SHISA9: variants seen among roughly 807,000 people sequenced by gnomAD.
SHISA9 encodes the protein shisa family member 9.
SHISA9 carries 13 observed loss-of-function variants against 38.0 expected under a neutral mutation model. That is an observed-to-expected ratio of 0.34 (90% CI 0.22 to 0.54). The LOEUF is 0.54. SHISA9 is among the 20% of genes least tolerant of loss of function. SHISA9 has a pLI of 0.91. For synonymous variants in SHISA9, 275 were observed against 242.0 expected, an observed-to-expected ratio of 1.14 and a Z score of -1.27; for missense variants, 538 against 575.8, an observed-to-expected ratio of 0.93 and a Z score of 0.67.
At chr16:13,528,283 TAA>T in the SHISA9 span, among the ~76,000 whole-genome samples, 1 of 151,998 alleles carries the variant, frequency 6.6e-6, no homozygotes, top group Non-Finnish European at 1.5e-5. Context: ...TCATATAACC[TAA>T]AGAGTCCATT....
chr16:12,934,871 A>T (rs2071508411), intron 2 of SHISA9, among the ~76,000 whole-genome samples: 1 of 152,186 alleles, frequency 6.6e-6, no homozygotes, highest in African/African-American at 2.4e-5. Flanking sequence ...AGACTTAAGC[A>T]AAAAAGGGAA....
At chr16:13,429,637 T>C in the SHISA9 span, among the ~76,000 whole-genome samples, 2 of 152,236 alleles carry the variant, frequency 1.3e-5, no homozygotes, top group African/African-American at 4.8e-5. Context: ...CACACTGTGA[T>C]GACCTGGAGT....
intron 2 of SHISA9, among the ~76,000 whole-genome samples, chr16:13,079,301 A>G (rs914885666): frequency 5.3e-5 from 8 of 152,226 alleles, no homozygotes; most frequent in African/African-American, 1.9e-4. Context: ...AACATGGATG[A>G]TGACAGAATC....
rs12596451 is a variant in SHISA9 at position 12,925,135 on chromosome 16, C to T, written c.691+8320C>T. Reference sequence around the variant, plus strand: ...TCACAGTGAAAATGTTTTCACTCTGCGTGCCAGTTGATAACACCGTGTGTG... The same window carrying T: ...TCACAGTGAAAATGTTTTCACTCTGTGTGCCAGTTGATAACACCGTGTGTG... On this transcript the variant is annotated intron_variant, in intron 2 of 4. Coordinates refer to ENST00000558583, the MANE Select transcript of SHISA9 (RefSeq NM_001145204.3). 0.025 allele frequency among the ~76,000 whole-genome samples: 3,805 copies of T among 152,220 alleles called. 280 individuals carry two copies. In the East Asian group the frequency reaches 0.3, roughly 12 times the overall value.
At position 13,088,640 on chromosome 16, in the gene SHISA9, T is replaced by C. The variant is rs534398775; in HGVS notation, c.692-114754T>C. Among the ~76,000 whole-genome samples the C allele has an allele frequency of 4.6e-5, 7 of 152,346 alleles. No individual in the cohort carries two copies. In the South Asian group the frequency reaches 1.4e-3, roughly 32 times the overall value. On this transcript the variant is annotated intron_variant, in intron 2 of 4. Coordinates refer to ENST00000558583, the MANE Select transcript of SHISA9 (RefSeq NM_001145204.3). ...TGTTAATGGTGTATAGGAATGCTTG[T>C]GATTTTTGCACATTGATTTTGTATC...
chr16:13,376,479 A>G, the SHISA9 span, among the ~76,000 whole-genome samples: 2 of 152,186 alleles, frequency 1.3e-5, no homozygotes, highest in East Asian at 3.9e-4. Context: ...TCTCTAATGT[A>G]TCTGAAGTCA....
chr16:13,412,768 G>A, the SHISA9 span, among the ~76,000 whole-genome samples: 5 of 151,520 alleles, frequency 3.3e-5, no homozygotes, highest in Non-Finnish European at 7.4e-5. Flanking sequence ...GAGGTAGGAG[G>A]ATCACTTTAG....
At chr16:13,068,255 A>T (rs1270572414) in intron 2 of SHISA9, among the ~76,000 whole-genome samples, 1 of 152,082 alleles carries the variant, frequency 6.6e-6, no homozygotes, top group East Asian at 1.9e-4. Context: ...AGGACTCTTT[A>T]CCTGCCCAGG....
chr16:13,198,861 C>T (rs1226851232), intron 2 of SHISA9, among the ~76,000 whole-genome samples: 4 of 152,214 alleles, frequency 2.6e-5, no homozygotes, highest in Non-Finnish European at 5.9e-5. Flanking sequence ...AATGCACCTT[C>T]TGGATGGTGT....
the SHISA9 span, among the ~76,000 whole-genome samples, chr16:13,443,500 C>T: frequency 3.9e-5 from 6 of 152,130 alleles, no homozygotes; most frequent in African/African-American, 7.2e-5. Context: ...AGTAATGCAC[C>T]GTGCAAGCCC....
chr16:13,282,590 A>G, the SHISA9 span, among the ~76,000 whole-genome samples: 1 of 152,018 alleles, frequency 6.6e-6, no homozygotes, highest in Non-Finnish European at 1.5e-5. Context: ...CTGCTTCAGT[A>G]TTACTCTTTT....
the SHISA9 span, among the ~76,000 whole-genome samples, chr16:13,528,391 G>T: frequency 6.6e-6 from 1 of 151,132 alleles, no homozygotes; most frequent in Non-Finnish European, 1.5e-5. Flanking sequence ...GTGCAAAGAA[G>T]AGGTCACAGA....
intron 2 of SHISA9, among the ~76,000 whole-genome samples, chr16:12,968,882 G>A (rs1263263051): frequency 1.3e-5 from 2 of 152,104 alleles, no homozygotes; most frequent in Non-Finnish European, 2.9e-5. Context: ...AATGGGAGGT[G>A]CAGGCTGGGC....
At chr16:13,550,834 T>C in the SHISA9 span, among the ~76,000 whole-genome samples, 1 of 152,182 alleles carries the variant, frequency 6.6e-6, no homozygotes, top group Admixed American at 6.5e-5. Flanking sequence ...CAAGAAGTGA[T>C]GGGCACAGGC....
At chr16:12,962,849 G>C (rs183951062) in intron 2 of SHISA9, among the ~76,000 whole-genome samples, 3 of 152,198 alleles carry the variant, frequency 2.0e-5, no homozygotes, top group South Asian at 2.1e-4. Context: ...GGTGTATCTT[G>C]TTGGGCCTGA....
chr16:12,979,063 C>A (rs1020076611), intron 2 of SHISA9, among the ~76,000 whole-genome samples: 4 of 152,214 alleles, frequency 2.6e-5, no homozygotes, highest in African/African-American at 9.6e-5. Context: ...CACGTCTAAT[C>A]AGTCATCGAG....
intron 2 of SHISA9, among the ~76,000 whole-genome samples, chr16:13,173,038 A>T (rs2142023024): frequency 6.6e-6 from 1 of 152,182 alleles, no homozygotes; most frequent in South Asian, 2.1e-4. Context: ...TGACCCCGAT[A>T]ATGTCCCTTT....
At chr16:13,102,787 A>G (rs2073891412) in intron 2 of SHISA9, among the ~76,000 whole-genome samples, 1 of 152,166 alleles carries the variant, frequency 6.6e-6, no homozygotes, top group Non-Finnish European at 1.5e-5. Context: ...TCCCCAATCA[A>G]TATGTGGCAC....
chr16:13,556,378 C>A, the SHISA9 span, among the ~76,000 whole-genome samples: 1 of 152,136 alleles, frequency 6.6e-6, no homozygotes, highest in Non-Finnish European at 1.5e-5. Flanking sequence ...ACTAGTGAAT[C>A]ATTCCGCTTT....
Sources: allele counts gnomAD v4.1 joint callset (sites outside exome capture counted in the v4.1 genomes callset), GRCh38; gene constraint gnomAD v4.1.1; transcripts MANE v1.5; gene names NCBI Gene and HGNC (gene_info 2026-07-23, HGNC 2026-07-21).